The following HCRTR2 variants were observed in gnomAD, a reference collection of about 807,000 sequenced individuals.
HCRTR2 encodes hypocretin receptor 2.
Under a neutral mutation model 49.0 loss-of-function variants are expected in HCRTR2, and 22 were observed. That is an observed-to-expected ratio of 0.45 (90% CI 0.32 to 0.64). The LOEUF is 0.64. HCRTR2 is among the 30% of genes least tolerant of loss of function. The pLI is 0.04. For missense variants in HCRTR2, 491 were observed against 559.4 expected (o/e 0.88, Z 1.23); for synonymous variants, 236 against 205.3 (o/e 1.15, Z -1.28).
chr6:55,192,223 AC>A (rs974299184), intron 1 of HCRTR2, among the ~76,000 whole-genome samples: 1 of 152,114 alleles, frequency 6.6e-6, no homozygotes, highest in African/African-American at 2.4e-5. Context: ...TTTCATTCCA[AC>A]AAAAAAAATT....
intron 1 of HCRTR2, among the ~76,000 whole-genome samples, chr6:55,189,704 G>A (rs1765284172): frequency 6.6e-6 from 1 of 152,122 alleles, no homozygotes; most frequent in Non-Finnish European, 1.5e-5. Context: ...ATACCTAGGT[G>A]ATGGGTTGAT....
chr6:55,147,790 G>A (rs1027365245), intron 1 of HCRTR2, among the ~76,000 whole-genome samples: 20 of 152,278 alleles, frequency 1.3e-4, no homozygotes, highest in African/African-American at 4.8e-4. Flanking sequence ...ACATGACTTT[G>A]TATAGGCTCT....
intron 1 of HCRTR2, among the ~76,000 whole-genome samples, chr6:55,214,365 T>G (rs1392707199): frequency 6.6e-6 from 1 of 152,144 alleles, no homozygotes; most frequent in Non-Finnish European, 1.5e-5. Flanking sequence ...GGGATCTCAC[T>G]TTGTCACCCA....
intron 4 of HCRTR2, among the ~76,000 whole-genome samples, chr6:55,275,415 T>C (rs940295417): frequency 2.6e-5 from 4 of 152,096 alleles, no homozygotes; most frequent in Non-Finnish European, 5.9e-5. Context: ...TTATTCCTCT[T>C]AATTTTATAC....
intron 1 of HCRTR2, among the ~76,000 whole-genome samples, chr6:55,196,287 C>T (rs951236669): frequency 6.6e-6 from 1 of 152,034 alleles, no homozygotes; most frequent in African/African-American, 2.4e-5. Flanking sequence ...GGCAAAAATG[C>T]CTGACCTTCT....
chr6:55,265,382 C>T (rs1766842632), intron 4 of HCRTR2, among the ~76,000 whole-genome samples: 1 of 152,052 alleles, frequency 6.6e-6, no homozygotes, highest in African/African-American at 2.4e-5. Flanking sequence ...CTGTTTCACT[C>T]CTATTACAGG....
chr6:55,247,241 G>T (rs1418194771), intron 1 of HCRTR2, among the ~76,000 whole-genome samples: 5 of 151,956 alleles, frequency 3.3e-5, no homozygotes, highest in Admixed American at 3.3e-4. Context: ...CCCTGATTAA[G>T]GTTCACCTGA....
intron 1 of HCRTR2, among the ~76,000 whole-genome samples, chr6:55,227,788 C>T (rs1035166978): frequency 6.6e-6 from 1 of 151,480 alleles, no homozygotes; most frequent in African/African-American, 2.4e-5. Context: ...GTGAACAAAG[C>T]AAAAAGCAAA....
chr6:55,283,412 T>A (rs931306591), downstream of HCRTR2, among the ~76,000 whole-genome samples: 1 of 151,688 alleles, frequency 6.6e-6, no homozygotes, highest in African/African-American at 2.4e-5. Context: ...AGAAAGTTTG[T>A]AGCGCAGTTG....
intron 2 of HCRTR2, among the ~76,000 whole-genome samples, chr6:55,254,806 T>A (rs1213384585): frequency 6.6e-6 from 1 of 151,560 alleles, no homozygotes; most frequent in African/African-American, 2.4e-5. Flanking sequence ...TTCCAATCAA[T>A]GGAAAAATTA....
intron 1 of HCRTR2, among the ~76,000 whole-genome samples, chr6:55,203,942 C>T (rs1765555497): frequency 6.6e-6 from 1 of 151,990 alleles, no homozygotes; most frequent in South Asian, 2.1e-4. Flanking sequence ...ATAATATGAT[C>T]TGACTTATAT....
intron 1 of HCRTR2, among the ~76,000 whole-genome samples, chr6:55,187,626 T>C (rs912160325): frequency 1.3e-5 from 2 of 150,362 alleles, no homozygotes; most frequent in African/African-American, 2.4e-5. Flanking sequence ...AAAGTGTTTG[T>C]CATACCTATT....
intron 4 of HCRTR2, among the ~76,000 whole-genome samples, chr6:55,272,291 A>C (rs140384104): frequency 6.6e-6 from 1 of 152,206 alleles, no homozygotes; most frequent in Non-Finnish European, 1.5e-5. Flanking sequence ...TATTTGCATG[A>C]AAATGTTGAG....
In HCRTR2 at chr6:55,122,591, G is replaced by C. The variant is rs1240824423; in HGVS notation, c.-378+16046G>C. On this transcript the variant is annotated intron_variant, in intron 1 of 7. Transcript: ENST00000615358. ...TTTTAGATCTTTCCTGCTTTCTCTT[G>C]TGGGCATTTAGTGCTGTAAATTTCC... Among the ~76,000 whole-genome samples, 6 of 152,046 alleles carry C rather than the reference G, an allele frequency of 3.9e-5. No homozygotes were observed. The East Asian group carries it at 7.7e-4, about 20-fold the overall frequency.
In HCRTR2 at chr6:55,133,698, T is replaced by TATC. The variant is rs201049328; in HGVS notation, c.-378+27154_-378+27156dup. Among the ~76,000 whole-genome samples the TATC allele has an allele frequency of 3.5e-3, 493 of 140,004 alleles. 1 individual carries two copies. The highest frequency in any genetic ancestry group is 0.014 in the African/African-American group (444 of 31,512). The allele number at this position is 140,004 out of a possible 152,430, so 91.8% of individuals were successfully genotyped here. On this transcript the variant is annotated intron_variant, in intron 1 of 7. Coordinates refer to the HCRTR2 transcript ENST00000615358. The stretch of plus-strand genomic sequence containing the variant: ...CTATCTATCTATCTATCTATCTATC[T>TATC]ATCTATATCTCCATCTAGGCATGTT...
At chr6:55,209,913 G>A (rs963293610) in intron 1 of HCRTR2, among the ~76,000 whole-genome samples, 4 of 152,032 alleles carry the variant, frequency 2.6e-5, no homozygotes, top group African/African-American at 4.8e-5. Context: ...CGTCTTCGAA[G>A]AACAATGTAT....
chr6:55,269,561 A>G (rs544021164), intron 4 of HCRTR2, among the ~76,000 whole-genome samples: 12 of 152,330 alleles, frequency 7.9e-5, no homozygotes, highest in Middle Eastern at 6.8e-3. Flanking sequence ...TTTCATTTTT[A>G]TACATTAGCA....
intron 1 of HCRTR2, among the ~76,000 whole-genome samples, chr6:55,144,098 C>A (rs1028957048): frequency 8.7e-6 from 1 of 114,308 alleles, no homozygotes; most frequent in African/African-American, 3.5e-5. Flanking sequence ...TCCCGTCCTG[C>A]CTTTTTTTTT....
chr6:55,219,346 T>C (rs1489524027), intron 1 of HCRTR2, among the ~76,000 whole-genome samples: 1 of 152,194 alleles, frequency 6.6e-6, no homozygotes, highest in East Asian at 1.9e-4. Flanking sequence ...ATATCAAATA[T>C]CTTTTCTGAA....
Sources: gnomAD v4.1 joint callset for allele counts (sites outside exome capture counted in the v4.1 genomes callset) on GRCh38, gnomAD v4.1.1 for gene constraint, MANE v1.5 for transcripts, NCBI Gene and HGNC (gene_info 2026-07-23, HGNC 2026-07-21) for gene names.